ZHX3: variants seen among roughly 807,000 people sequenced by gnomAD.
ZHX3 encodes the protein zinc fingers and homeoboxes protein 3.
ZHX3 carries 20 observed loss-of-function variants against 64.5 expected under a neutral mutation model. The ratio of observed to expected loss-of-function variants is 0.31; its 90% CI spans 0.22 to 0.45. The LOEUF (loss-of-function observed/expected upper bound fraction) is 0.45. ZHX3 is among the 20% of genes least tolerant of loss of function. The pLI is 1.00. For synonymous variants in ZHX3, 423 were observed against 461.6 expected, an observed-to-expected ratio of 0.92 and a Z score of 1.07; for missense variants, 1,041 against 1,195.8, an observed-to-expected ratio of 0.87 and a Z score of 1.91.
chr20:41,296,402 A>T (rs1439716978), intron 1 of ZHX3, among the ~76,000 whole-genome samples: 1 of 152,150 alleles, frequency 6.6e-6, no homozygotes, highest in Non-Finnish European at 1.5e-5. Flanking sequence ...CACGGGGATC[A>T]CCAGGACTGA....
chr20:41,212,627 AT>A lies in ZHX3; in HGVS notation c.-150-7562del. Among the ~76,000 whole-genome samples the A allele has an allele frequency of 6.6e-6, 1 of 152,042 alleles. No homozygotes were observed. The highest frequency in any genetic ancestry group is 1.9e-4 in the East Asian group (1 of 5,184). ...AGCCTGACCAACATGGAGAAACCCC[AT>A]CTCTACTAAAAATGCTAAATTAGCC... On this transcript the variant is annotated intron_variant, in intron 2 of 3. Transcript: ENST00000683867. The surrounding 1 kb of genome is among the most constrained non-coding windows in gnomAD (Gnocchi z 4.3).
chr20:41,243,144 T>C (rs989221003), intron 2 of ZHX3, among the ~76,000 whole-genome samples: 2 of 152,112 alleles, frequency 1.3e-5, no homozygotes, highest in Non-Finnish European at 2.9e-5. Context: ...ACTTCCTCTA[T>C]AAAATAATGG....
intron 2 of ZHX3, among the ~76,000 whole-genome samples, chr20:41,246,884 CCAAACAAACAAA>C (rs112966677): frequency 1.0e-4 from 15 of 144,946 alleles, no homozygotes; most frequent in African/African-American, 1.5e-4. Flanking sequence ...AAAAAAAAAA[CCAAACAAACAAA>C]CAAACAAACA....
chr20:41,290,095 A>T (rs762908843), intron 1 of ZHX3, among the ~76,000 whole-genome samples: 1 of 152,250 alleles, frequency 6.6e-6, no homozygotes, highest in Non-Finnish European at 1.5e-5. Context: ...GAATTTTATT[A>T]AAAGTCACTA....
rs560293856 is a variant in ZHX3 at position 41,295,789 on chromosome 20, T to C, written c.-245+21720A>G. On this transcript the variant is annotated intron_variant, in intron 1 of 3. Transcript: ENST00000683867. Reference sequence around the variant, plus strand: ...TGGCCTGAACCCGGGAGGCGGAGCTTGCAGTGAGCCGAGATTGCGCCACTG... The same window carrying C: ...TGGCCTGAACCCGGGAGGCGGAGCTCGCAGTGAGCCGAGATTGCGCCACTG... 5.1e-4 allele frequency among the ~76,000 whole-genome samples: 77 copies of C among 151,364 alleles called. No individual in the cohort carries two copies. In the Middle Eastern group the frequency reaches 0.01, roughly 20 times the overall value.
chr20:41,204,377 G>A lies in ZHX3; in HGVS notation c.540C>T (p.Ile180=), dbSNP rs2038525182. 6.2e-7 allele frequency: 1 copy of A among 1,614,208 alleles called. No individual in the cohort carries two copies. The highest frequency in any genetic ancestry group is 8.5e-7 in the Non-Finnish European group (1 of 1,180,048). The change falls in exon 3 of 4, where the codon ATC becomes ATT. Residue 180 remains isoleucine, a synonymous_variant. Transcript: ENST00000683867. The surrounding 1 kb of genome is among the most constrained non-coding windows in gnomAD (Gnocchi z 6.6). ...AEGADGQAEI[I]ITKTPIMKIM... ...TCTTCATGATTGGAGTTTTGGTAAT[G>A]ATGATTTCTGCCTGTCCATCAGCCC...
intron 2 of ZHX3, among the ~76,000 whole-genome samples, chr20:41,253,484 C>T (rs1191034417): frequency 6.6e-6 from 1 of 151,900 alleles, no homozygotes; most frequent in Non-Finnish European, 1.5e-5. Flanking sequence ...ATTTTATGGA[C>T]CAGAGTGAGT....
At position 41,204,316 on chromosome 20, in the gene ZHX3, T is replaced by C; in HGVS notation, c.601A>G (p.Thr201Ala). ...KGKAEAKKIH[T>A]LKENVPSQPV... ...TGGCTAGGGACATTCTCCTTGAGTG[T>C]ATGAATTTTTTTGGCTTCAGCTTTG... Residue 201 changes from threonine to alanine, a missense_variant, in exon 3 of 4, where the codon ACA becomes GCA. Physicochemically the swap from Thr to Ala is moderately conservative, Grantham distance 58. Coordinates refer to ENST00000683867, the MANE Select transcript of ZHX3 (RefSeq NM_001384317.1). The surrounding 1 kb of genome is among the most constrained non-coding windows in gnomAD (Gnocchi z 6.6). 1 of 1,614,234 alleles carries C rather than the reference T, an allele frequency of 6.2e-7. No individual in the cohort carries two copies. The highest frequency in any genetic ancestry group is 1.1e-5 in the South Asian group (1 of 91,086).
At chr20:41,287,880 T>C (rs979788537) in intron 1 of ZHX3, among the ~76,000 whole-genome samples, 5 of 152,236 alleles carry the variant, frequency 3.3e-5, no homozygotes, top group African/African-American at 4.8e-5. Flanking sequence ...CTTTGAGTCA[T>C]TTATTATGTA....
At chr20:41,213,416 T>A (rs997882435) in intron 2 of ZHX3, among the ~76,000 whole-genome samples, 3 of 152,172 alleles carry the variant, frequency 2.0e-5, no homozygotes, top group Non-Finnish European at 4.4e-5. Context: ...GGTGACACAG[T>A]TCTGTGCTAC....
chr20:41,197,710 T>C (rs1472199685), intron 3 of ZHX3, among the ~76,000 whole-genome samples: 1 of 151,996 alleles, frequency 6.6e-6, no homozygotes, highest in South Asian at 2.1e-4. Flanking sequence ...CTATTTGTTT[T>C]TAATATGTCT....
chr20:41,217,738 T>G (rs1333950724), intron 2 of ZHX3, among the ~76,000 whole-genome samples: 1 of 152,190 alleles, frequency 6.6e-6, no homozygotes, highest in Non-Finnish European at 1.5e-5. Context: ...TCTCCTGAAT[T>G]GGTTATTATT....
intron 3 of ZHX3, chr20:41,196,728 A>G: frequency 5.3e-6 from 1 of 190,054 alleles, no homozygotes; most frequent in South Asian, 1.1e-4. Flanking sequence ...AGCTGATCCC[A>G]AAGTGAAGGC....
At chr20:41,256,239 T>C (rs566100790) in intron 2 of ZHX3, among the ~76,000 whole-genome samples, 56 of 152,232 alleles carry the variant, frequency 3.7e-4, no homozygotes, top group African/African-American at 1.3e-3. Context: ...GTGAGCTCCA[T>C]GAGGACAGGG....
chr20:41,229,481 G>GT (rs766375683), intron 2 of ZHX3, among the ~76,000 whole-genome samples: 67 of 152,214 alleles, frequency 4.4e-4, no homozygotes, highest in Non-Finnish European at 7.6e-4. Context: ...TTGCCATACT[G>GT]TTTTCCATAA....
At chr20:41,299,160 T>C (rs764409384) in intron 1 of ZHX3, among the ~76,000 whole-genome samples, 11 of 152,202 alleles carry the variant, frequency 7.2e-5, no homozygotes, top group Non-Finnish European at 1.5e-4. Flanking sequence ...CAGAGAATAA[T>C]ATAACAGCTC....
chr20:41,236,304 G>A (rs540256740), intron 2 of ZHX3, among the ~76,000 whole-genome samples: 34 of 152,202 alleles, frequency 2.2e-4, no homozygotes, highest in African/African-American at 6.3e-4. Flanking sequence ...AAAAGAGCCC[G>A]CATTGCCAAG....
At chr20:41,300,682 C>G (rs1396940217) in intron 1 of ZHX3, among the ~76,000 whole-genome samples, 1 of 152,088 alleles carries the variant, frequency 6.6e-6, no homozygotes, top group South Asian at 2.1e-4. Flanking sequence ...GCACCTGAGA[C>G]GAAGCTGGAA....
At chr20:41,209,898 G>T (rs2039027060) in intron 2 of ZHX3, among the ~76,000 whole-genome samples, 1 of 152,180 alleles carries the variant, frequency 6.6e-6, no homozygotes, top group Non-Finnish European at 1.5e-5. Context: ...CACCATCAGA[G>T]TGAACAGGCA....
Sources: gnomAD v4.1 joint callset for allele counts (sites outside exome capture counted in the v4.1 genomes callset) on GRCh38, gnomAD v4.1.1 for gene constraint, Gnocchi (gnomAD v3.1) non-coding constraint, MANE v1.5 for transcripts, NCBI Gene and HGNC (gene_info 2026-07-23, HGNC 2026-07-21) for gene names.